The following CPA6 variants were observed in gnomAD, a reference collection of about 807,000 sequenced individuals.
CPA6 encodes the protein carboxypeptidase A6.
In CPA6, 58 loss-of-function variants were observed where a neutral mutation model predicts 63.3. The ratio of observed to expected loss-of-function variants is 0.92; its 90% CI spans 0.74 to 1.14. The LOEUF (loss-of-function observed/expected upper bound fraction) is 1.14. Among genes scored for constraint, CPA6 ranks in the 50% most tolerant of loss-of-function variants. The pLI is 0.00. For synonymous variants in CPA6, 185 were observed against 179.0 expected, an observed-to-expected ratio of 1.03 and a Z score of -0.27; for missense variants, 565 against 526.6, an observed-to-expected ratio of 1.07 and a Z score of -0.71.
intron 1 of CPA6, among the ~76,000 whole-genome samples, chr8:67,745,037 T>A (rs944561817): frequency 2.6e-5 from 4 of 152,190 alleles, no homozygotes; most frequent in African/African-American, 9.7e-5. Flanking sequence ...CAAATTCTCT[T>A]TTACACTATT....
At chr8:67,713,099 G>GTGTGTATATATA (rs1328463977) in intron 1 of CPA6, among the ~76,000 whole-genome samples, 14 of 55,030 alleles carry the variant, frequency 2.5e-4, no homozygotes, top group African/African-American at 1.0e-3. Context: ...GTGTGTGTGT[G>GTGTGTATATATA]TATATATATA....
intron 2 of CPA6, among the ~76,000 whole-genome samples, chr8:67,545,083 G>A (rs1344363811): frequency 6.6e-6 from 1 of 152,018 alleles, no homozygotes; most frequent in Non-Finnish European, 1.5e-5. Context: ...TAGAGTATAA[G>A]GATTTTTGGA....
intron 1 of CPA6, among the ~76,000 whole-genome samples, chr8:67,676,078 T>A (rs1205624402): frequency 1.3e-5 from 2 of 152,236 alleles, no homozygotes; most frequent in African/African-American, 4.8e-5. Flanking sequence ...TAAATTACAG[T>A]ACTTTAGTTA....
intron 6 of CPA6, among the ~76,000 whole-genome samples, chr8:67,491,223 GTTTTTTTTT>G (rs11379483): frequency 8.0e-6 from 1 of 125,420 alleles, no homozygotes; most frequent in South Asian, 3.0e-4. Flanking sequence ...TTACAGGGAA[GTTTTTTTTT>G]TTTTTTTTTT....
At chr8:67,464,170 C>A (rs1810875318) in intron 8 of CPA6, among the ~76,000 whole-genome samples, 1 of 152,166 alleles carries the variant, frequency 6.6e-6, no homozygotes, top group South Asian at 2.1e-4. Flanking sequence ...GCCTTGCCAG[C>A]ATCTGTTATT....
intron 1 of CPA6, among the ~76,000 whole-genome samples, chr8:67,669,277 T>C (rs758774678): frequency 1.6e-4 from 25 of 152,236 alleles, no homozygotes; most frequent in Non-Finnish European, 1.9e-4. Context: ...GTCCCTTACC[T>C]GTATGCTTGT....
At chr8:67,543,018 A>G (rs1812739472) in intron 2 of CPA6, among the ~76,000 whole-genome samples, 1 of 152,198 alleles carries the variant, frequency 6.6e-6, no homozygotes, top group South Asian at 2.1e-4. Flanking sequence ...TAAGAACTTG[A>G]CACACCTTTT....
intron 1 of CPA6, among the ~76,000 whole-genome samples, chr8:67,636,151 T>C (rs1299684993): frequency 2.6e-5 from 4 of 151,328 alleles, no homozygotes; most frequent in Admixed American, 2.6e-4. Context: ...TTAAAGGGGG[T>C]GGAAGGATTC....
intron 2 of CPA6, among the ~76,000 whole-genome samples, chr8:67,578,971 A>G (rs1813696163): frequency 6.6e-6 from 1 of 152,240 alleles, no homozygotes; most frequent in South Asian, 2.1e-4. Context: ...TTGTAAATTT[A>G]TTCAAAGAAT....
chr8:67,637,972 C>T (rs1486624645), intron 1 of CPA6, among the ~76,000 whole-genome samples: 1 of 135,550 alleles, frequency 7.4e-6, no homozygotes, highest in Admixed American at 7.4e-5. Context: ...CTTAGTAATG[C>T]TAGAAATTTT....
intron 8 of CPA6, among the ~76,000 whole-genome samples, chr8:67,463,842 A>G (rs528150793): frequency 2.6e-5 from 4 of 152,330 alleles, no homozygotes; most frequent in African/African-American, 9.6e-5. Flanking sequence ...TGTTGCTGCA[A>G]AGGACATGAT....
chr8:67,616,870 C>T (rs966420587), intron 2 of CPA6, among the ~76,000 whole-genome samples: 2 of 152,108 alleles, frequency 1.3e-5, no homozygotes, highest in Non-Finnish European at 2.9e-5. Context: ...AGCCTGCCAA[C>T]CACTAGACAT....
intron 1 of CPA6, among the ~76,000 whole-genome samples, chr8:67,704,823 CTCTCTTTGCAGATGGGTAATCGTG>C (rs1436919585): frequency 6.6e-6 from 1 of 152,134 alleles, no homozygotes; most frequent in Non-Finnish European, 1.5e-5. Context: ...CTCCTCTATT[CTCTCTTTGCAGATGGGTAATCGTG>C]TCTCCCTACC....
intron 10 of CPA6, among the ~76,000 whole-genome samples, chr8:67,425,925 C>A (rs1209020920): frequency 1.4e-5 from 2 of 144,918 alleles, no homozygotes; most frequent in Admixed American, 1.4e-4. Context: ...GAAACAGAAT[C>A]TCGCTCTGTC....
intron 1 of CPA6, among the ~76,000 whole-genome samples, chr8:67,720,189 GC>G (rs1390689591): frequency 2.1e-4 from 31 of 145,748 alleles, no homozygotes; most frequent in Admixed American, 7.3e-4. Context: ...CAGTGGGGGT[GC>G]TTTTTGAGCC....
intron 1 of CPA6, among the ~76,000 whole-genome samples, chr8:67,713,093 GTGTGTGTATA>G (rs1445593778): frequency 2.3e-5 from 2 of 87,990 alleles, no homozygotes; most frequent in African/African-American, 4.9e-5. Context: ...ATGTGTGTGT[GTGTGTGTATA>G]TATATATATA....
intron 8 of CPA6, chr8:67,452,496 C>A (rs1386736056): frequency 1.3e-5 from 2 of 152,224 alleles, no homozygotes; most frequent in African/African-American, 4.8e-5. Flanking sequence ...TGGTCACTCT[C>A]TTCATTGAAC....
chr8:67,579,720 G>T (rs1813717371), intron 2 of CPA6, among the ~76,000 whole-genome samples: 1 of 152,226 alleles, frequency 6.6e-6, no homozygotes, highest in African/African-American at 2.4e-5. Context: ...CTCAAGCTAA[G>T]AATGGTTTCT....
intron 1 of CPA6, among the ~76,000 whole-genome samples, chr8:67,730,881 A>G (rs577179888): frequency 6.6e-6 from 1 of 152,356 alleles, no homozygotes; most frequent in African/African-American, 2.4e-5. Context: ...GTTTACCAGA[A>G]GCCATGTATA....
Sources: gnomAD v4.1 joint callset for allele counts (sites outside exome capture counted in the v4.1 genomes callset) on GRCh38, gnomAD v4.1.1 for gene constraint, MANE v1.5 for transcripts, NCBI Gene and HGNC (gene_info 2026-07-23, HGNC 2026-07-21) for gene names.